The following STK26 variants were observed in gnomAD, a reference collection of about 807,000 sequenced individuals.
STK26 encodes the protein serine/threonine kinase 26.
Under a neutral mutation model 34.7 loss-of-function variants are expected in STK26, and 14 were observed. The ratio of observed to expected loss-of-function variants is 0.40; its 90% CI spans 0.27 to 0.63. The LOEUF is 0.63. STK26 is among the 30% of genes least tolerant of loss of function. The pLI, the probability that STK26 is intolerant of heterozygous loss-of-function variation, is 0.38. For missense variants in STK26, 226 were observed against 309.1 expected (o/e 0.73, Z 2.02); for synonymous variants, 100 against 109.8 (o/e 0.91, Z 0.56).
chrX:132,063,527 T>C, intron 4 of STK26, 38 bp downstream of exon 4: 1 of 1,140,597 alleles, frequency 8.8e-7, no homozygotes. Context: ...GATGCAAATG[T>C]GTGCATATGC....
chrX:132,045,544 TA>T (rs1926469590), intron 2 of STK26, among the ~76,000 whole-genome samples: 1 of 112,276 alleles, frequency 8.9e-6, no homozygotes, highest in Non-Finnish European at 1.9e-5. Context: ...TAAGCAAAAT[TA>T]AGTCAATTTT....
intron 2 of STK26, among the ~76,000 whole-genome samples, chrX:132,033,212 C>T (rs962278237): frequency 5.4e-5 from 6 of 111,050 alleles, no homozygotes; most frequent in African/African-American, 2.0e-4. Context: ...ACCATAAAGT[C>T]AGAATTTCTT....
chrX:132,051,773 G>A (rs1926698785), intron 2 of STK26, among the ~76,000 whole-genome samples: 1 of 109,301 alleles, frequency 9.1e-6, no homozygotes, highest in South Asian at 4.0e-4. Flanking sequence ...AGGCCCTGGT[G>A]TATGATGTTC....
At chrX:132,049,860 A>G (rs1161883505) in intron 2 of STK26, among the ~76,000 whole-genome samples, 1 of 112,031 alleles carries the variant, frequency 8.9e-6, no homozygotes, top group African/African-American at 3.2e-5. Flanking sequence ...TTATTAATGT[A>G]GGAAGGCAGG....
At chrX:132,066,579 A>G (rs1284356094) in intron 4 of STK26, among the ~76,000 whole-genome samples, 1 of 112,217 alleles carries the variant, frequency 8.9e-6, no homozygotes, top group Non-Finnish European at 1.9e-5. Flanking sequence ...TCTCCCTGCC[A>G]CAGAGTCTTT....
intron 2 of STK26, among the ~76,000 whole-genome samples, chrX:132,040,248 G>A (rs1440808157): frequency 8.9e-6 from 1 of 112,677 alleles, no homozygotes; most frequent in Non-Finnish European, 1.9e-5. Flanking sequence ...CATTAAGCCC[G>A]ACTGAGAATT....
In STK26 at chrX:132,044,686, T is replaced by G. The variant is rs187854610; in HGVS notation, c.43-9945T>G. On this transcript the variant is annotated intron_variant, in intron 2 of 11. Transcript: ENST00000394334. ...CTCTCGAGATCTATATATATATATA[T>G]ATAGAGAGAGAGAGAGAGAGAGATC... is the stretch of plus-strand genomic sequence containing the variant. 9.9e-3 allele frequency among the ~76,000 whole-genome samples: 609 copies of G among 61,390 alleles called. 55 individuals are homozygous for G. Among genetic ancestry groups the G allele is most frequent in the Admixed American group, 0.087 (504 of 5,762 alleles). 53.3% of individuals were successfully genotyped at this position (61,390 alleles called of 115,157 possible).
chrX:132,032,898 A>G (rs188452946), intron 2 of STK26, among the ~76,000 whole-genome samples: 152 of 111,521 alleles, frequency 1.4e-3, no homozygotes, highest in Non-Finnish European at 1.7e-3. Flanking sequence ...AATTTTTGGC[A>G]GGTGGAGGAA....
chrX:132,070,287 C>T (rs758673000), intron 7 of STK26, among the ~76,000 whole-genome samples: 25 of 111,723 alleles, frequency 2.2e-4, no homozygotes, highest in African/African-American at 8.1e-4. Context: ...CCTCCTCAGC[C>T]TCCCAAAGTG....
At chrX:132,026,767 G>C (rs112789166) in intron 2 of STK26, among the ~76,000 whole-genome samples, 6,196 of 112,177 alleles carry the variant, frequency 0.055, 166 homozygotes, top group Non-Finnish European at 0.087. Flanking sequence ...TCTTGTTAAA[G>C]AACTTTTAAA....
chrX:132,067,716 T>C (rs1830786580), intron 4 of STK26, among the ~76,000 whole-genome samples: 1 of 112,032 alleles, frequency 8.9e-6, no homozygotes, highest in Non-Finnish European at 1.9e-5. Flanking sequence ...TGCAATATTA[T>C]TAAAATACAT....
intron 3 of STK26, among the ~76,000 whole-genome samples, chrX:132,059,831 G>C (rs1472063593): frequency 9.0e-6 from 1 of 111,066 alleles, no homozygotes; most frequent in Non-Finnish European, 1.9e-5. Flanking sequence ...AGAATCATCT[G>C]TACGGCTTTG....
intron 2 of STK26, among the ~76,000 whole-genome samples, chrX:132,050,251 G>A (rs1460694788): frequency 9.0e-6 from 1 of 111,191 alleles, no homozygotes; most frequent in Non-Finnish European, 1.9e-5. Context: ...ATCAATGTTG[G>A]CTGTTATCCT....
intron 2 of STK26, among the ~76,000 whole-genome samples, chrX:132,040,422 C>T (rs1284216698): frequency 8.9e-6 from 1 of 112,136 alleles, no homozygotes; most frequent in Non-Finnish European, 1.9e-5. Flanking sequence ...AGTAAATAGG[C>T]AGATATGTTT....
rs1408637007 is a variant in STK26 at position 132,063,628 on chromosome X, TCATGAC to T, written c.330+141_330+146del. ...AATATGTTCAAATTAAATTCTTTTT[TCATGAC>T]CTCTACCTTATGTAGGTACAGATGT... is the stretch of plus-strand genomic sequence containing the variant. On this transcript the variant is annotated intron_variant, in intron 4 of 11. Transcript: ENST00000394334. 9 of 490,861 alleles carry T rather than the reference TCATGAC, an allele frequency of 1.8e-5. No individual in the cohort carries two copies. In the East Asian group the frequency reaches 3.3e-4, roughly 18 times the overall value. 40.5% of individuals were successfully genotyped at this position (490,861 alleles called of 1,213,427 possible). A position where few individuals can be genotyped will look rare whatever the true frequency, so the allele number is the denominator to read the frequency against.
At chrX:132,043,764 G>T (rs1602752393) in intron 2 of STK26, among the ~76,000 whole-genome samples, 1 of 111,055 alleles carries the variant, frequency 9.0e-6, no homozygotes, top group East Asian at 2.8e-4. Context: ...ATGTGGTTCT[G>T]GTTAATAGTG....
chrX:132,051,587 T>A, intron 2 of STK26, among the ~76,000 whole-genome samples: 1 of 111,781 alleles, frequency 8.9e-6, no homozygotes, highest in Non-Finnish European at 1.9e-5. Context: ...AAGGAATATT[T>A]AGCCATTTCA....
Position 132,075,912 on chromosome X carries a change from G to A in STK26, c.*1753G>A, listed in dbSNP as rs1277388562. The A allele has an allele frequency of 9.0e-6, 1 of 111,549 alleles. No individual in the cohort carries two copies. The highest frequency in any genetic ancestry group is 1.9e-5 in the Non-Finnish European group (1 of 52,908). The allele number at this position is 111,549 out of a possible 1,213,427, so 9.2% of individuals were successfully genotyped here. A position where few individuals can be genotyped will look rare whatever the true frequency, so the allele number is the denominator to read the frequency against. ...TGAAGCATACTCCAGTGTTTTAGGG[G>A]TTTTGAAAATAAATATTTAAATTTC... On this transcript the variant is annotated 3_prime_UTR_variant, in exon 12 of 12. Coordinates refer to ENST00000394334, the MANE Select transcript of STK26 (RefSeq NM_016542.4).
chrX:132,067,960 T>A (rs994497250), intron 4 of STK26, among the ~76,000 whole-genome samples: 3 of 107,530 alleles, frequency 2.8e-5, no homozygotes, highest in African/African-American at 1.0e-4. Flanking sequence ...TGAAGCCTAG[T>A]ATATAGGTAA....
Sources: allele counts gnomAD v4.1 joint callset (sites outside exome capture counted in the v4.1 genomes callset), GRCh38; gene constraint gnomAD v4.1.1; transcripts MANE v1.5; gene names NCBI Gene and HGNC (gene_info 2026-07-23, HGNC 2026-07-21).